The following THSD7B variants were observed in gnomAD, a reference collection of about 807,000 sequenced individuals.
THSD7B encodes the protein thrombospondin type 1 domain containing 7B, also known as thrombospondin type-1 domain-containing protein 7B.
Under a neutral mutation model 213.6 loss-of-function variants are expected in THSD7B, and 138 were observed. That is an observed-to-expected ratio of 0.65 (90% CI 0.56 to 0.74). The LOEUF (loss-of-function observed/expected upper bound fraction) is 0.74, where lower values mean the gene tolerates loss of function less well. Ranked by LOEUF, THSD7B falls within the 30% of genes least tolerant of loss-of-function variation. THSD7B has a pLI of 0.00. For missense variants in THSD7B, 1,931 were observed against 1,991.5 expected, an observed-to-expected ratio of 0.97 and a Z score of 0.58; for synonymous variants, 742 against 687.0, an observed-to-expected ratio of 1.08 and a Z score of -1.25.
intron 1 of THSD7B, among the ~76,000 whole-genome samples, chr2:136,865,620 C>T (rs1361865919): frequency 6.6e-6 from 1 of 152,134 alleles, no homozygotes. Context: ...TTCATTTCTT[C>T]TTGTCCATGT....
At chr2:136,815,836 T>A (rs1331716217) in intron 1 of THSD7B, among the ~76,000 whole-genome samples, 2 of 152,142 alleles carry the variant, frequency 1.3e-5, no homozygotes, top group East Asian at 1.9e-4. Context: ...AAAGTGAGAA[T>A]CTTCTTCCAC....
intron 2 of THSD7B, among the ~76,000 whole-genome samples, chr2:136,915,353 C>T (rs1380327808): frequency 6.6e-6 from 1 of 152,152 alleles, no homozygotes; most frequent in Non-Finnish European, 1.5e-5. Flanking sequence ...TGCTGCACCT[C>T]CTCTATCAGG....
intron 15 of THSD7B, among the ~76,000 whole-genome samples, chr2:137,473,485 A>G (rs1216255304): frequency 6.6e-6 from 1 of 152,204 alleles, no homozygotes; most frequent in Non-Finnish European, 1.5e-5. Context: ...ACATTATTTT[A>G]AGTGAAAATG....
At chr2:136,907,453 T>A (rs1684184387) in intron 2 of THSD7B, among the ~76,000 whole-genome samples, 1 of 152,192 alleles carries the variant, frequency 6.6e-6, no homozygotes, top group Non-Finnish European at 1.5e-5. Flanking sequence ...ACTTATTTTA[T>A]CAGATCTGTG....
chr2:137,559,341 G>T (rs140924248), intron 15 of THSD7B, among the ~76,000 whole-genome samples: 5,087 of 152,256 alleles, frequency 0.033, 177 homozygotes, highest in East Asian at 0.13. Context: ...AACCAAAACA[G>T]CATGGTACTG....
chr2:137,123,624 A>G (rs1022463392), intron 5 of THSD7B, among the ~76,000 whole-genome samples: 1 of 152,196 alleles, frequency 6.6e-6, no homozygotes, highest in Non-Finnish European at 1.5e-5. Flanking sequence ...AATTTCAGCG[A>G]TAACGTTCAA....
chr2:137,569,454 C>A (rs1311352136), intron 16 of THSD7B, among the ~76,000 whole-genome samples: 1 of 152,180 alleles, frequency 6.6e-6, no homozygotes, highest in Non-Finnish European at 1.5e-5. Flanking sequence ...AGTAAACCAG[C>A]AATCACCGGC....
chr2:136,857,152 T>C (rs1267764422), intron 1 of THSD7B, among the ~76,000 whole-genome samples: 2 of 152,372 alleles, frequency 1.3e-5, no homozygotes, highest in Non-Finnish European at 2.9e-5. Flanking sequence ...AAATTAAAAC[T>C]TAAATTGGCT....
chr2:137,498,437 G>C (rs577821445), intron 15 of THSD7B, among the ~76,000 whole-genome samples: 1 of 151,326 alleles, frequency 6.6e-6, no homozygotes, highest in Non-Finnish European at 1.5e-5. Flanking sequence ...GTCTTACTTC[G>C]TAATTCCCTA....
intron 4 of THSD7B, among the ~76,000 whole-genome samples, chr2:137,111,555 A>G (rs1460429652): frequency 2.0e-5 from 3 of 152,162 alleles, no homozygotes; most frequent in Non-Finnish European, 4.4e-5. Flanking sequence ...AGGAGAAATA[A>G]GATTTTCTTC....
At chr2:137,072,530 A>G (rs1333406871) in intron 3 of THSD7B, among the ~76,000 whole-genome samples, 1 of 152,132 alleles carries the variant, frequency 6.6e-6, no homozygotes, top group East Asian at 1.9e-4. Context: ...TTCTAGATAT[A>G]CAATCATGTC....
chr2:136,884,688 G>C (rs1573688188), intron 2 of THSD7B, among the ~76,000 whole-genome samples: 2 of 152,100 alleles, frequency 1.3e-5, no homozygotes, highest in Non-Finnish European at 2.9e-5. Context: ...AACTATCTTT[G>C]ATCATATAAT....
At chr2:136,946,675 C>G (rs1357582715) in intron 2 of THSD7B, among the ~76,000 whole-genome samples, 3 of 152,204 alleles carry the variant, frequency 2.0e-5, no homozygotes, top group Admixed American at 6.5e-5. Flanking sequence ...TTTATCTACT[C>G]AAGCCTCAGC....
chr2:137,057,237 G>T lies in THSD7B; in HGVS notation c.950+7G>T, dbSNP rs1687187092. 2 of 1,576,464 alleles carry T rather than the reference G, an allele frequency of 1.3e-6. No individual in the cohort carries two copies. The highest frequency in any genetic ancestry group is 1.7e-6 in the Non-Finnish European group (2 of 1,160,752). The stretch of plus-strand genomic sequence containing the variant: ...GACAAAATGCTATGTTAAGGTAGGA[G>T]ACCTTTGATGCTTGAATTTGATTCA... On this transcript the variant is annotated splice_region_variant and intron_variant, in intron 3 of 27. Transcript: ENST00000409968.
intron 1 of THSD7B, among the ~76,000 whole-genome samples, chr2:136,775,280 A>G (rs970375730): frequency 1.1e-4 from 17 of 152,150 alleles, no homozygotes; most frequent in African/African-American, 4.1e-4. Flanking sequence ...TATAGCTGTC[A>G]AGCCATATTT....
At chr2:137,071,496 A>G (rs1054226627) in intron 3 of THSD7B, among the ~76,000 whole-genome samples, 2 of 152,034 alleles carry the variant, frequency 1.3e-5, no homozygotes, top group African/African-American at 2.4e-5. Flanking sequence ...ATTTTCTCCC[A>G]TTTTGTAGGT....
chr2:137,400,934 G>A (rs1686341407), intron 12 of THSD7B, among the ~76,000 whole-genome samples: 1 of 152,178 alleles, frequency 6.6e-6, no homozygotes, highest in Non-Finnish European at 1.5e-5. Context: ...TGCCAGCCCT[G>A]ATGGAAGTGG....
chr2:137,452,057 G>A, intron 15 of THSD7B: 2 of 951,760 alleles, frequency 2.1e-6, no homozygotes, highest in African/African-American at 1.8e-5. Flanking sequence ...TGAATATCAT[G>A]TATCAATTCA....
intron 17 of THSD7B, among the ~76,000 whole-genome samples, chr2:137,602,383 C>A (rs1306529330): frequency 6.6e-6 from 1 of 152,050 alleles, no homozygotes; most frequent in Admixed American, 6.5e-5. Flanking sequence ...GATTCCCCTG[C>A]CTCAGCCTCC....
Sources: allele counts gnomAD v4.1 joint callset (sites outside exome capture counted in the v4.1 genomes callset), GRCh38; gene constraint gnomAD v4.1.1; transcripts MANE v1.5; gene names NCBI Gene and HGNC (gene_info 2026-07-23, HGNC 2026-07-21).